MAP1LC3B: variants seen among roughly 807,000 people sequenced by gnomAD.
MAP1LC3B encodes microtubule associated protein 1 light chain 3 beta, also known as microtubule-associated protein 1 light chain 3 beta.
In MAP1LC3B, 12 loss-of-function variants were observed where a neutral mutation model predicts 16.7. That is an observed-to-expected ratio of 0.72 (90% CI 0.46 to 1.16). The LOEUF (loss-of-function observed/expected upper bound fraction) is 1.16. Ranked by LOEUF, MAP1LC3B falls within the 50% of genes most tolerant of loss-of-function variation. MAP1LC3B has a pLI of 0.00. For missense variants in MAP1LC3B, 155 were observed against 159.5 expected, an observed-to-expected ratio of 0.97 and a Z score of 0.15; for synonymous variants, 63 against 56.5, an observed-to-expected ratio of 1.11 and a Z score of -0.51.
At chr16:87,393,507 G>C (rs1907684095) in intron 1 of MAP1LC3B, among the ~76,000 whole-genome samples, 1 of 152,176 alleles carries the variant, frequency 6.6e-6, no homozygotes, top group African/African-American at 2.4e-5. Context: ...ATATAGTTTT[G>C]CAGGTCTCAT....
At chr16:87,399,577 A>C (rs748977523) in intron 2 of MAP1LC3B, 12 of 449,896 alleles carry the variant, frequency 2.7e-5, no homozygotes, top group South Asian at 1.9e-4. Context: ...CCTGCCACTC[A>C]ACTTCTCTTT....
At chr16:87,399,154 A>G (rs1008703121) in intron 2 of MAP1LC3B, 4 of 404,272 alleles carry the variant, frequency 9.9e-6, no homozygotes, top group Non-Finnish European at 1.8e-5. Flanking sequence ...CTAGAGGCAC[A>G]CACCACTACA....
chr16:87,401,855 T>C (rs1471299526), intron 2 of MAP1LC3B, among the ~76,000 whole-genome samples: 3 of 148,274 alleles, frequency 2.0e-5, no homozygotes, highest in Non-Finnish European at 1.5e-5. Flanking sequence ...TTTTTTGAGA[T>C]GGAGTCTCGC....
At chr16:87,397,859 CT>C (rs929349531) in intron 1 of MAP1LC3B, among the ~76,000 whole-genome samples, 161 of 143,628 alleles carry the variant, frequency 1.1e-3, no homozygotes, top group Middle Eastern at 3.6e-3. Context: ...CACATATTGC[CT>C]TTTTTTTTTT....
intron 2 of MAP1LC3B, 78 bp from the exon 3 acceptor site, chr16:87,402,097 A>C (rs1418027345): frequency 3.1e-5 from 45 of 1,460,136 alleles, no homozygotes; most frequent in Non-Finnish European, 4.2e-5. Flanking sequence ...GGCCTCCCAA[A>C]ATGCTGGGGT....
Position 87,399,867 on chromosome 16 carries a change from A to G in MAP1LC3B, c.96+997A>G, listed in dbSNP as rs559817976. Reference sequence around the variant, plus strand: ...CGGCTCACTGCAACCTCCGCCTCCCAGGTTCAAGTGATTCTCCTGCCTCAG... The same window carrying G: ...CGGCTCACTGCAACCTCCGCCTCCCGGGTTCAAGTGATTCTCCTGCCTCAG... On this transcript the variant is annotated intron_variant, in intron 2 of 3. Transcript: ENST00000268607. Among the ~76,000 whole-genome samples the G allele has an allele frequency of 5.0e-3, 753 of 150,584 alleles. 9 individuals are homozygous for G. The highest frequency in any genetic ancestry group is 0.017 in the African/African-American group (713 of 41,054).
chr16:87,399,472 G>A (rs1038423584), intron 2 of MAP1LC3B: 2 of 324,638 alleles, frequency 6.2e-6, no homozygotes, highest in Admixed American at 4.3e-5. Flanking sequence ...AGCTTGACTC[G>A]GCCTTACACA....
At chr16:87,396,688 T>G (rs897366152) in intron 1 of MAP1LC3B, 8 of 152,094 alleles carry the variant, frequency 5.3e-5, no homozygotes, top group African/African-American at 1.7e-4. Flanking sequence ...AGGACAGGCA[T>G]AGGAAGATGT....
In MAP1LC3B at chr16:87,403,772, C is replaced by T. The variant is rs1489597878; in HGVS notation, c.*675C>T. The T allele has an allele frequency of 6.6e-6, 1 of 152,184 alleles. No individual in the cohort carries two copies. The highest frequency in any genetic ancestry group is 2.4e-5 in the African/African-American group (1 of 41,444). 9.4% of individuals were successfully genotyped at this position (152,184 alleles called of 1,614,324 possible). A position where few individuals can be genotyped will look rare whatever the true frequency, so the allele number is the denominator to read the frequency against. On this transcript the variant is annotated 3_prime_UTR_variant, in exon 4 of 4. Transcript: ENST00000268607. ...CTAGATAGTTACACACATAAAGACA[C>T]CACTCAAAAGGAAACTTGAATAATT...
chr16:87,400,262 C>G (rs1309177679), intron 2 of MAP1LC3B: 2 of 151,176 alleles, frequency 1.3e-5, no homozygotes, highest in African/African-American at 4.9e-5. Context: ...ACTGCAAGCT[C>G]CACCTCCCGG....
intron 1 of MAP1LC3B, among the ~76,000 whole-genome samples, chr16:87,396,448 C>T (rs1907809416): frequency 1.3e-5 from 2 of 150,704 alleles, no homozygotes; most frequent in Admixed American, 1.3e-4. Flanking sequence ...GCACTCCAGC[C>T]TGAGTGACAG....
At position 87,403,173 on chromosome 16, in the gene MAP1LC3B, A is replaced by T; in HGVS notation, c.*76A>T. ...AAAAAAAGGGATGTTACCAACTGAG[A>T]TCGATCAGTTCATCCAATCACAGAT... On this transcript the variant is annotated 3_prime_UTR_variant, in exon 4 of 4. Coordinates refer to ENST00000268607, the MANE Select transcript of MAP1LC3B (RefSeq NM_022818.5). 1 of 1,509,642 alleles carries T rather than the reference A, an allele frequency of 6.6e-7. No homozygotes were observed. The highest frequency in any genetic ancestry group is 9.0e-7 in the Non-Finnish European group (1 of 1,117,112). The allele number at this position is 1,509,642 out of a possible 1,614,324, so 93.5% of individuals were successfully genotyped here. A position where few individuals can be genotyped will look rare whatever the true frequency, so the allele number is the denominator to read the frequency against.
At chr16:87,400,952 G>C (rs1382366543) in intron 2 of MAP1LC3B, among the ~76,000 whole-genome samples, 15 of 151,990 alleles carry the variant, frequency 9.9e-5, no homozygotes, top group Non-Finnish European at 2.2e-4. Context: ...GACCAACATG[G>C]TGAAACCCCA....
intron 3 of MAP1LC3B, 198 bp downstream of exon 3, chr16:87,402,479 C>G: frequency 1.7e-6 from 1 of 597,816 alleles, no homozygotes. Context: ...TTTTATATTA[C>G]TTGCTAGACT....
intron 1 of MAP1LC3B, chr16:87,393,219 A>G (rs1265601696): frequency 6.6e-6 from 1 of 152,260 alleles, no homozygotes; most frequent in African/African-American, 2.4e-5. Flanking sequence ...GTGTGCTGGC[A>G]TTTGGTTAAA....
At chr16:87,395,394 T>C (rs913938287) in intron 1 of MAP1LC3B, among the ~76,000 whole-genome samples, 2 of 152,166 alleles carry the variant, frequency 1.3e-5, no homozygotes, top group African/African-American at 4.8e-5. Context: ...TGGAGCTGGG[T>C]CCTTGACTGC....
At chr16:87,400,090 CATA>C (rs766187261) in intron 2 of MAP1LC3B, 3 of 153,932 alleles carry the variant, frequency 1.9e-5, no homozygotes, top group Non-Finnish European at 4.3e-5. Flanking sequence ...TATTTAAATT[CATA>C]ATATGAAACT....
intron 1 of MAP1LC3B, among the ~76,000 whole-genome samples, chr16:87,398,216 C>G (rs1469968254): frequency 6.6e-6 from 1 of 151,970 alleles, no homozygotes; most frequent in Non-Finnish European, 1.5e-5. Context: ...AGAGACGGGA[C>G]AGGGTTTCAC....
At chr16:87,398,165 G>A (rs1477045060) in intron 1 of MAP1LC3B, among the ~76,000 whole-genome samples, 2 of 152,084 alleles carry the variant, frequency 1.3e-5, no homozygotes, top group Non-Finnish European at 2.9e-5. Flanking sequence ...TGGGATTACA[G>A]GCATGTGCCA....
Sources: gnomAD v4.1 joint callset for allele counts (sites outside exome capture counted in the v4.1 genomes callset) on GRCh38, gnomAD v4.1.1 for gene constraint, MANE v1.5 for transcripts, NCBI Gene and HGNC (gene_info 2026-07-23, HGNC 2026-07-21) for gene names.